Variants in GRIA4 observed in about 807,000 individuals in gnomAD.
GRIA4 encodes the protein glutamate ionotropic receptor AMPA type subunit 4.
A neutral mutation model predicts 104.0 loss-of-function variants in GRIA4; 34 were observed. The ratio of observed to expected loss-of-function variants is 0.33; its 90% CI spans 0.25 to 0.44. The LOEUF is 0.44. Among genes scored for constraint, GRIA4 ranks in the 20% least tolerant of loss-of-function variants. The pLI is 1.00. For synonymous variants in GRIA4, 386 were observed against 381.9 expected, an observed-to-expected ratio of 1.01 and a Z score of -0.13; for missense variants, 750 against 1,096.5, an observed-to-expected ratio of 0.68 and a Z score of 4.46.
At position 105,911,929 on chromosome 11, in the gene GRIA4, G is replaced by C. The variant is rs200377393; in HGVS notation, c.1269+1384G>C. 2.2e-5 allele frequency: 34 copies of C among 1,553,784 alleles called. No individual in the cohort carries two copies. The African/African-American group carries it at 4.5e-4, about 21-fold the overall frequency. ...ATTGATCAAGAAAGAAAAGAGTTCCGCGCTGTTCGACCATTCCTAACTAAG... is the reference window on the plus strand; with the variant it reads ...ATTGATCAAGAAAGAAAAGAGTTCCCCGCTGTTCGACCATTCCTAACTAAG... On this transcript the variant is annotated intron_variant, in intron 10 of 16. Transcript: ENST00000282499.
intron 4 of GRIA4, among the ~76,000 whole-genome samples, chr11:105,803,844 C>CAAA (rs537440632): frequency 2.9e-4 from 23 of 80,508 alleles, no homozygotes; most frequent in African/African-American, 6.0e-4. Flanking sequence ...GGTGCTATAC[C>CAAA]AAAAAAAAAA....
chr11:105,762,904 GA>G (rs1308174182), intron 4 of GRIA4, among the ~76,000 whole-genome samples: 1 of 152,112 alleles, frequency 6.6e-6, no homozygotes, highest in Non-Finnish European at 1.5e-5. Flanking sequence ...CTAATACATA[GA>G]TCAACTGTTT....
intron 4 of GRIA4, among the ~76,000 whole-genome samples, chr11:105,799,600 C>T (rs1224726345): frequency 6.6e-6 from 1 of 151,966 alleles, no homozygotes; most frequent in African/African-American, 2.4e-5. Context: ...CTCATAGTAA[C>T]TGAATATTAT....
chr11:105,693,058 C>T (rs538591955), intron 3 of GRIA4, among the ~76,000 whole-genome samples: 1 of 152,256 alleles, frequency 6.6e-6, no homozygotes, highest in South Asian at 2.1e-4. Flanking sequence ...TATCTTTGCA[C>T]CGCTTTATGT....
intron 4 of GRIA4, among the ~76,000 whole-genome samples, chr11:105,819,838 CT>C (rs1943514369): frequency 6.6e-6 from 1 of 152,054 alleles, no homozygotes; most frequent in African/African-American, 2.4e-5. Flanking sequence ...AGAACATGAA[CT>C]TATTTGGATG....
intron 3 of GRIA4, among the ~76,000 whole-genome samples, chr11:105,732,960 C>T (rs763292809): frequency 2.0e-5 from 3 of 152,136 alleles, no homozygotes; most frequent in Non-Finnish European, 4.4e-5. Flanking sequence ...ACATTTATTA[C>T]CTCATTTGAT....
chr11:105,622,596 T>C (rs1038327186), intron 3 of GRIA4, among the ~76,000 whole-genome samples: 9 of 151,718 alleles, frequency 5.9e-5, no homozygotes, highest in African/African-American at 1.9e-4. Flanking sequence ...CCTGACCAAA[T>C]CCCCATGCCT....
chr11:105,675,728 T>C (rs1952515179), intron 3 of GRIA4, among the ~76,000 whole-genome samples: 1 of 151,846 alleles, frequency 6.6e-6, no homozygotes, highest in African/African-American at 2.4e-5. Flanking sequence ...TTGGTAGGCA[T>C]GGCTTACCAA....
chr11:105,659,780 C>T (rs1951951565), intron 3 of GRIA4, among the ~76,000 whole-genome samples: 1 of 151,768 alleles, frequency 6.6e-6, no homozygotes, highest in South Asian at 2.1e-4. Flanking sequence ...CCAGACTTTT[C>T]AGGAAAGCCT....
At chr11:105,749,634 T>A (rs555303583) in intron 3 of GRIA4, among the ~76,000 whole-genome samples, 2 of 152,272 alleles carry the variant, frequency 1.3e-5, no homozygotes, top group African/African-American at 4.8e-5. Context: ...TATATAATCA[T>A]TTGACTTAGC....
At chr11:105,770,794 T>C (rs2155040) in intron 4 of GRIA4, among the ~76,000 whole-genome samples, 98,612 of 151,840 alleles carry the variant, frequency 0.65, 32,089 homozygotes, top group African/African-American at 0.7. Flanking sequence ...TAATTCTCTA[T>C]GGATTAGCCT....
At chr11:105,610,880 T>TTTTTTTG in intron 1 of GRIA4, 28 bp from the exon 2 acceptor site, 9 of 477,540 alleles carry the variant, frequency 1.9e-5, no homozygotes, top group South Asian at 4.3e-5. Context: ...CTTTTTTTTT[T>TTTTTTTG]TTTTTTTTTG....
chr11:105,824,938 C>G (rs1407304786), intron 4 of GRIA4, among the ~76,000 whole-genome samples: 2 of 152,044 alleles, frequency 1.3e-5, no homozygotes, highest in African/African-American at 4.8e-5. Flanking sequence ...CAGGCTTGAT[C>G]AGACTTTGAT....
chr11:105,958,175 C>A (rs886213526), intron 14 of GRIA4, among the ~76,000 whole-genome samples: 2 of 152,118 alleles, frequency 1.3e-5, no homozygotes, highest in South Asian at 4.1e-4. Context: ...AGAGAGGGCA[C>A]CCCTGTCTTG....
chr11:105,769,904 G>T (rs985008254), intron 4 of GRIA4, among the ~76,000 whole-genome samples: 3 of 151,978 alleles, frequency 2.0e-5, no homozygotes, highest in South Asian at 2.1e-4. Context: ...TTATTTTAGA[G>T]ATATTTTTCC....
intron 3 of GRIA4, among the ~76,000 whole-genome samples, chr11:105,625,439 A>G (rs1030611651): frequency 5.9e-5 from 9 of 152,140 alleles, no homozygotes; most frequent in Admixed American, 4.6e-4. Context: ...TTTTAAAAAC[A>G]GGTATCACAC....
At chr11:105,733,216 T>C (rs1451214073) in intron 3 of GRIA4, among the ~76,000 whole-genome samples, 1 of 152,224 alleles carries the variant, frequency 6.6e-6, no homozygotes, top group Non-Finnish European at 1.5e-5. Context: ...ACCAATGTTA[T>C]CTTTAATATC....
At chr11:105,856,768 A>G (rs1467395076) in intron 4 of GRIA4, among the ~76,000 whole-genome samples, 1 of 152,156 alleles carries the variant, frequency 6.6e-6, no homozygotes, top group Non-Finnish European at 1.5e-5. Context: ...CTAAATATGA[A>G]TACTAGGGAA....
At chr11:105,891,145 C>A (rs1946439897) in intron 6 of GRIA4, among the ~76,000 whole-genome samples, 1 of 152,096 alleles carries the variant, frequency 6.6e-6, no homozygotes, top group South Asian at 2.1e-4. Context: ...TTTCATTTAG[C>A]TGCCAGTTGT....
Sources: allele counts gnomAD v4.1 joint callset (sites outside exome capture counted in the v4.1 genomes callset), GRCh38; gene constraint gnomAD v4.1.1; transcripts MANE v1.5; gene names NCBI Gene and HGNC (gene_info 2026-07-23, HGNC 2026-07-21).